Variants in PLCG2 observed in about 807,000 individuals in gnomAD.
The protein encoded by PLCG2 is 1-phosphatidylinositol 4,5-bisphosphate phosphodiesterase gamma-2.
PLCG2 carries 69 observed loss-of-function variants against 175.6 expected under a neutral mutation model. That is an observed-to-expected ratio of 0.39 (90% CI 0.32 to 0.48). The LOEUF (loss-of-function observed/expected upper bound fraction) is 0.48, where lower values mean the gene tolerates loss of function less well. Ranked by LOEUF, PLCG2 falls within the 20% of genes least tolerant of loss-of-function variation. The probability of loss-of-function intolerance (pLI) is 0.91; values close to 1 mark genes in which losing one functional copy is unlikely to be tolerated. For missense variants in PLCG2, 1,798 were observed against 1,650.9 expected (o/e 1.09, Z -1.54); for synonymous variants, 827 against 624.0 (o/e 1.33, Z -4.85).
chr16:81,923,651 G>A, intron 22 of PLCG2, 57 bp downstream of exon 22: 4 of 1,071,150 alleles, frequency 3.7e-6, no homozygotes, highest in Non-Finnish European at 4.3e-6. Flanking sequence ...GTCCCTTCTT[G>A]GTGATAAGAC....
intron 30 of PLCG2, among the ~76,000 whole-genome samples, chr16:81,941,034 T>C (rs1212911277): frequency 1.3e-5 from 2 of 152,266 alleles, no homozygotes; most frequent in Non-Finnish European, 2.9e-5. Context: ...GAAAGATGAC[T>C]GTCATTTTAG....
In PLCG2 at chr16:81,937,831, C is replaced by T; in HGVS notation, c.3126C>T (p.Ser1042=). The T allele has an allele frequency of 1.9e-6, 3 of 1,613,836 alleles. 1 individual carries two copies. The highest frequency in any genetic ancestry group is 2.2e-5 in the South Asian group (2 of 91,066). Residue 1042 remains serine, a synonymous_variant, in exon 28 of 33, where the codon AGC becomes AGT. Coordinates refer to ENST00000564138, the MANE Select transcript of PLCG2 (RefSeq NM_002661.5). The part of the protein sequence containing the change: ...GRTGYVLQPE[S]MRTEKYDPMP... ...CGGGCTACGTTCTGCAGCCTGAGAG[C>T]ATGAGGACAGAGAAATATGACCCGA...
intron 2 of PLCG2, among the ~76,000 whole-genome samples, chr16:81,787,752 G>GT (rs1911047541): frequency 6.6e-6 from 1 of 151,572 alleles, no homozygotes; most frequent in Non-Finnish European, 1.5e-5. Flanking sequence ...CCTACCAGAC[G>GT]TAAGCAACCG....
Position 81,910,591 on chromosome 16 carries a change from C to T in PLCG2, c.1805C>T (p.Thr602Ile). 1 of 1,614,170 alleles carries T rather than the reference C, an allele frequency of 6.2e-7. No homozygotes were observed. Among genetic ancestry groups the T allele is most frequent in the Non-Finnish European group, 8.5e-7 (1 of 1,180,002 alleles). The change falls in exon 18 of 33, where the codon ACT (threonine) becomes ATT (isoleucine). Residue 602 changes from threonine to isoleucine, a missense_variant. Physicochemically the swap from Thr to Ile is moderately conservative, Grantham distance 89. Transcript: ENST00000564138. ...MEGGTLKYYL[T>I]DNLTFSSIYA... ...GGCGGGACCCTGAAATACTACTTGA[C>T]TGACAACCTCACCTTCAGCAGCATC...
In PLCG2 at chr16:81,859,203, C is replaced by T. The variant is rs140877714; in HGVS notation, c.479+40C>T. On this transcript the variant is annotated intron_variant, in intron 5 of 32. Transcript: ENST00000564138. ...GTTTTTTTCTGATCACTTTGGATTT[C>T]GATCCTCATTCTATCTTTAAACCTT... 8.2e-4 allele frequency: 1,091 copies of T among 1,338,350 alleles called. 2 individuals carry two copies. The highest frequency in any genetic ancestry group is 6.7e-3 in the Middle Eastern group (37 of 5,548). 82.9% of individuals were successfully genotyped at this position (1,338,350 alleles called of 1,614,324 possible).
In PLCG2 at chr16:81,958,202, T is replaced by C. The variant is rs965424646; in HGVS notation, c.*204T>C. On this transcript the variant is annotated 3_prime_UTR_variant, in exon 33 of 33. Transcript: ENST00000564138. ...TTCATCTTGGACAACTTTCTTAACTTATATTCTTTATAGAGGATTCCCCAA... is the reference window on the plus strand; with the variant it reads ...TTCATCTTGGACAACTTTCTTAACTCATATTCTTTATAGAGGATTCCCCAA... 4 of 585,118 alleles carry C rather than the reference T, an allele frequency of 6.8e-6. No individual in the cohort carries two copies. In the African/African-American group the frequency reaches 7.5e-5, roughly 11 times the overall value. The allele number at this position is 585,118 out of a possible 1,614,324, so 36.2% of individuals were successfully genotyped here. A position where few individuals can be genotyped will look rare whatever the true frequency, so the allele number is the denominator to read the frequency against.
chr16:81,769,840 A>G (rs1360461207), intron 2 of PLCG2, among the ~76,000 whole-genome samples: 4 of 148,464 alleles, frequency 2.7e-5, no homozygotes, highest in South Asian at 2.1e-4. Context: ...AAAAAAAAAA[A>G]AAAAAAGAAA....
intron 7 of PLCG2, among the ~76,000 whole-genome samples, chr16:81,873,209 C>T (rs1470182541): frequency 2.0e-5 from 3 of 152,184 alleles, no homozygotes; most frequent in African/African-American, 7.2e-5. Flanking sequence ...CCATCTCTGT[C>T]CTCTCACTTA....
At chr16:81,787,198 A>G (rs1277376771) in intron 2 of PLCG2, among the ~76,000 whole-genome samples, 1 of 149,054 alleles carries the variant, frequency 6.7e-6, no homozygotes, top group Non-Finnish European at 1.5e-5. Flanking sequence ...CGAAGTGACT[A>G]TCATTGTACT....
rs1178456237 is a variant in PLCG2 at position 81,949,530 on chromosome 16, A to G, written c.3570+3267A>G. Among the ~76,000 whole-genome samples, 3 of 152,346 alleles carry G rather than the reference A, an allele frequency of 2.0e-5. No individual in the cohort carries two copies. The East Asian group carries it at 5.8e-4, about 29-fold the overall frequency. ...GTGTCCAGCCCCCGACATGTCAAGGAATTTCAAGGTATGCAATATTTTAGA... is the reference window on the plus strand; with the variant it reads ...GTGTCCAGCCCCCGACATGTCAAGGGATTTCAAGGTATGCAATATTTTAGA... On this transcript the variant is annotated intron_variant, in intron 31 of 32. Coordinates refer to ENST00000564138, the MANE Select transcript of PLCG2 (RefSeq NM_002661.5).
At chr16:81,776,830 C>T (rs934009540), upstream of PLCG2, among the ~76,000 whole-genome samples, 3 of 152,220 alleles carry the variant, frequency 2.0e-5, no homozygotes, top group Admixed American at 2.0e-4. Flanking sequence ...GCTGGGATTA[C>T]AGGTATGAGC....
intron 19 of PLCG2, among the ~76,000 whole-genome samples, chr16:81,917,383 T>C (rs563309892): frequency 1.7e-4 from 26 of 152,330 alleles, no homozygotes; most frequent in African/African-American, 5.8e-4. Flanking sequence ...CTTTGACATA[T>C]TGATTTCCTT....
intron 2 of PLCG2, among the ~76,000 whole-genome samples, chr16:81,809,958 C>T (rs575045843): frequency 6.6e-6 from 1 of 152,092 alleles, no homozygotes; most frequent in South Asian, 2.1e-4. Flanking sequence ...CTTCATCTTT[C>T]TGCCAGTCTT....
intron 24 of PLCG2, among the ~76,000 whole-genome samples, chr16:81,929,536 C>G (rs554673408): frequency 6.6e-6 from 1 of 152,206 alleles, no homozygotes; most frequent in Admixed American, 6.5e-5. Context: ...GCCGGGACTA[C>G]AGGCATGGGC....
Position 81,924,839 on chromosome 16 carries a change from A to G in PLCG2, c.2417+1245A>G, listed in dbSNP as rs554448088. 3.9e-5 allele frequency among the ~76,000 whole-genome samples: 6 copies of G among 152,350 alleles called. No individual in the cohort carries two copies. In the South Asian group the frequency reaches 1.2e-3, roughly 32 times the overall value. ...CTGATGCTTCCCCTTGGAGGCTCCC[A>G]GACCCAGTTGGGCAACCACAGTGTT... On this transcript the variant is annotated intron_variant, in intron 22 of 32. Transcript: ENST00000564138.
rs951916141 is a variant in PLCG2 at position 81,856,432 on chromosome 16, A to G, written c.338-1831A>G. Among the ~76,000 whole-genome samples, 15 of 151,916 alleles carry G rather than the reference A, an allele frequency of 9.9e-5. No individual in the cohort carries two copies. In the South Asian group the frequency reaches 1.7e-3, roughly 17 times the overall value. ...TTTGCCAGATGCCAAGCTCTTAACC[A>G]CTCCTCAATGCCGCTTATTAACAAG... On this transcript the variant is annotated intron_variant, in intron 3 of 32. Coordinates refer to ENST00000564138, the MANE Select transcript of PLCG2 (RefSeq NM_002661.5).
intron 9 of PLCG2, chr16:81,883,737 G>T: frequency 3.7e-6 from 1 of 267,086 alleles, no homozygotes; most frequent in Non-Finnish European, 7.3e-6. Context: ...GGGAGGATGG[G>T]ATCAGATTCA....
intron 31 of PLCG2, among the ~76,000 whole-genome samples, chr16:81,947,864 G>C (rs1911210675): frequency 6.6e-6 from 1 of 152,194 alleles, no homozygotes; most frequent in African/African-American, 2.4e-5. Context: ...CCCCCAGATA[G>C]CCTGTATCTA....
chr16:81,953,670 T>TTA (rs1232379432), intron 31 of PLCG2, among the ~76,000 whole-genome samples: 1 of 152,212 alleles, frequency 6.6e-6, no homozygotes, highest in Non-Finnish European at 1.5e-5. Context: ...TGCTTTCTCT[T>TTA]GACTAGAGTG....
Sources: allele counts gnomAD v4.1 joint callset (sites outside exome capture counted in the v4.1 genomes callset), GRCh38; gene constraint gnomAD v4.1.1; transcripts MANE v1.5; gene names NCBI Gene and HGNC (gene_info 2026-07-23, HGNC 2026-07-21).